Variants in CAMKMT observed in about 807,000 individuals in gnomAD.
CAMKMT encodes the protein calmodulin-lysine N-methyltransferase.
A neutral mutation model predicts 48.0 loss-of-function variants in CAMKMT; 53 were observed. The ratio of observed to expected loss-of-function variants is 1.10; its 90% CI spans 0.89 to 1.39. The LOEUF (loss-of-function observed/expected upper bound fraction) is 1.39, where lower values mean the gene tolerates loss of function less well. Among genes scored for constraint, CAMKMT ranks in the 40% most tolerant of loss-of-function variants. The pLI is 0.00. For synonymous variants in CAMKMT, 165 were observed against 152.3 expected, an observed-to-expected ratio of 1.08 and a Z score of -0.61; for missense variants, 428 against 402.7, an observed-to-expected ratio of 1.06 and a Z score of -0.54.
intron 3 of CAMKMT, among the ~76,000 whole-genome samples, chr2:44,412,538 A>G (rs1683281026): frequency 6.6e-6 from 1 of 151,808 alleles, no homozygotes; most frequent in Non-Finnish European, 1.5e-5. Context: ...CTTTTGCCAT[A>G]TTGGCCAGGC....
At chr2:44,716,852 A>T (rs1217707600) in intron 7 of CAMKMT, among the ~76,000 whole-genome samples, 1 of 152,230 alleles carries the variant, frequency 6.6e-6, no homozygotes, top group East Asian at 1.9e-4. Flanking sequence ...ATATGGAATC[A>T]GGGAATAATA....
At position 44,614,866 on chromosome 2, in the gene CAMKMT, C is replaced by T. The variant is rs575902334; in HGVS notation, c.377-89417C>T. ...CTTTTGCATCATCAGTCTGCTACTACTGTCCCGTGCACCACCCAGTCTGCT... is the reference window on the plus strand; with the variant it reads ...CTTTTGCATCATCAGTCTGCTACTATTGTCCCGTGCACCACCCAGTCTGCT... On this transcript the variant is annotated intron_variant, in intron 3 of 10. Coordinates refer to ENST00000378494, the MANE Select transcript of CAMKMT (RefSeq NM_024766.5). 8.6e-5 allele frequency among the ~76,000 whole-genome samples: 13 copies of T among 151,160 alleles called. No homozygotes were observed. The East Asian group carries it at 2.5e-3, about 29-fold the overall frequency.
intron 6 of CAMKMT, among the ~76,000 whole-genome samples, chr2:44,713,307 G>A (rs961225110): frequency 1.3e-5 from 2 of 152,116 alleles, no homozygotes; most frequent in South Asian, 2.1e-4. Context: ...GTACTCATAC[G>A]ACTCTACAGG....
chr2:44,651,735 G>A (rs573279706), intron 3 of CAMKMT, among the ~76,000 whole-genome samples: 11 of 152,256 alleles, frequency 7.2e-5, no homozygotes, highest in African/African-American at 2.6e-4. Context: ...GAATGATTAC[G>A]AATCCTTTTC....
At chr2:44,533,925 A>G (rs1308757476) in intron 3 of CAMKMT, among the ~76,000 whole-genome samples, 2 of 152,244 alleles carry the variant, frequency 1.3e-5, no homozygotes. Context: ...CACTTAAAAC[A>G]TAGAGGCTGG....
In CAMKMT at chr2:44,753,460, A is replaced by T. The variant is rs554546273; in HGVS notation, c.699-595A>T. On this transcript the variant is annotated intron_variant, in intron 8 of 10. Transcript: ENST00000378494. ...AGAAAAGAAAAAAAACAAAAAATCA[A>T]TGTAGAGGCCCAGAGAGGAAAATCC... 2.0e-5 allele frequency among the ~76,000 whole-genome samples: 3 copies of T among 152,038 alleles called. No individual in the cohort carries two copies. The East Asian group carries it at 5.8e-4, about 29-fold the overall frequency.
chr2:44,452,010 A>T (rs960970959), intron 3 of CAMKMT, among the ~76,000 whole-genome samples: 1 of 152,030 alleles, frequency 6.6e-6, no homozygotes, highest in African/African-American at 2.4e-5. Flanking sequence ...TCACACATTT[A>T]GTGAGTTAGA....
intron 3 of CAMKMT, among the ~76,000 whole-genome samples, chr2:44,638,072 AG>A: frequency 6.6e-6 from 1 of 151,310 alleles, no homozygotes; most frequent in Non-Finnish European, 1.5e-5. Flanking sequence ...AAAAAAAAAA[AG>A]AGAAAAAGAA....
At chr2:44,397,469 C>A (rs897127852) in intron 3 of CAMKMT, among the ~76,000 whole-genome samples, 2 of 152,154 alleles carry the variant, frequency 1.3e-5, no homozygotes, top group Non-Finnish European at 2.9e-5. Context: ...GTCTTTGATT[C>A]TTAGTCTGTG....
chr2:44,529,154 A>G (rs1280079038), intron 3 of CAMKMT, among the ~76,000 whole-genome samples: 2 of 152,286 alleles, frequency 1.3e-5, no homozygotes, highest in African/African-American at 4.8e-5. Context: ...GAATTGGTTC[A>G]CTAGCATCCT....
chr2:44,607,318 T>A (rs1362603381), intron 3 of CAMKMT, among the ~76,000 whole-genome samples: 1 of 152,234 alleles, frequency 6.6e-6, no homozygotes, highest in Non-Finnish European at 1.5e-5. Context: ...GTGGAAATGG[T>A]AGAGAAATCT....
At chr2:44,527,396 TGTATATAC>T (rs1666196495) in intron 3 of CAMKMT, among the ~76,000 whole-genome samples, 1 of 139,066 alleles carries the variant, frequency 7.2e-6, no homozygotes, top group Non-Finnish European at 1.5e-5. Flanking sequence ...ATAATATATA[TGTATATAC>T]GTATATATAT....
chr2:44,441,367 T>C (rs1004891789), intron 3 of CAMKMT, among the ~76,000 whole-genome samples: 1 of 152,160 alleles, frequency 6.6e-6, no homozygotes, highest in African/African-American at 2.4e-5. Context: ...ACAAGTGAGT[T>C]ACAGGTTCAC....
chr2:44,674,629 G>A (rs958287514), intron 3 of CAMKMT, among the ~76,000 whole-genome samples: 12 of 152,106 alleles, frequency 7.9e-5, no homozygotes, highest in African/African-American at 2.4e-4. Flanking sequence ...CCAGAATAAC[G>A]GAAGTGGTTA....
chr2:44,634,336 C>T (rs941576422), intron 3 of CAMKMT, among the ~76,000 whole-genome samples: 5 of 151,962 alleles, frequency 3.3e-5, no homozygotes, highest in Middle Eastern at 3.4e-3. Flanking sequence ...TTAAGTCTCA[C>T]TTCACTTGTT....
chr2:44,520,256 A>G (rs1671034536), intron 3 of CAMKMT, among the ~76,000 whole-genome samples: 1 of 151,940 alleles, frequency 6.6e-6, no homozygotes, highest in Non-Finnish European at 1.5e-5. Context: ...TTTAGTTGAG[A>G]TGGGGTCTCG....
rs548838337 is a variant in CAMKMT, at chr2:44,494,617, G to A, written c.376+104312G>A. ...GGATTGTTTTTAAATTAATGAGAAA[G>A]TATTTTTAAAGCCCTTTTTCTTTAG... On this transcript the variant is annotated intron_variant, in intron 3 of 10. Transcript: ENST00000378494. 3.7e-3 allele frequency among the ~76,000 whole-genome samples: 557 copies of A among 152,304 alleles called. 2 individuals are homozygous for A. The highest frequency in any genetic ancestry group is 0.013 in the African/African-American group (537 of 41,550).
At chr2:44,739,180 G>A (rs573690044) in intron 7 of CAMKMT, among the ~76,000 whole-genome samples, 1 of 152,328 alleles carries the variant, frequency 6.6e-6, no homozygotes, top group South Asian at 2.1e-4. Context: ...AATCACTCTG[G>A]CTGCTCTCTT....
intron 3 of CAMKMT, among the ~76,000 whole-genome samples, chr2:44,554,456 C>T (rs1020098372): frequency 4.6e-5 from 7 of 152,138 alleles, no homozygotes; most frequent in Non-Finnish European, 8.8e-5. Context: ...TAAATATTCG[C>T]CGGGCACAGT....
Sources: allele counts gnomAD v4.1 joint callset (sites outside exome capture counted in the v4.1 genomes callset), GRCh38; gene constraint gnomAD v4.1.1; transcripts MANE v1.5; gene names NCBI Gene and HGNC (gene_info 2026-07-23, HGNC 2026-07-21).